CABLES1: variants seen among roughly 807,000 people sequenced by gnomAD.
CABLES1 encodes Cdk5 and Abl enzyme substrate 1.
Under a neutral mutation model 57.8 loss-of-function variants are expected in CABLES1, and 36 were observed. The observed-to-expected ratio is 0.62, with a 90% CI of 0.48 to 0.82. CABLES1 has a LOEUF of 0.82. Among genes scored for constraint, CABLES1 ranks in the 40% least tolerant of loss-of-function variants. The pLI, the probability that CABLES1 is intolerant of heterozygous loss-of-function variation, is 0.00. For synonymous variants in CABLES1, 374 were observed against 363.0 expected, an observed-to-expected ratio of 1.03 and a Z score of -0.35; for missense variants, 767 against 836.6, an observed-to-expected ratio of 0.92 and a Z score of 1.03.
chr18:23,211,510 C>T (rs960539594), intron 3 of CABLES1, among the ~76,000 whole-genome samples: 1 of 152,200 alleles, frequency 6.6e-6, no homozygotes. Flanking sequence ...ACCCTCTTGC[C>T]CCTCCCTGCA....
intron 4 of CABLES1, among the ~76,000 whole-genome samples, chr18:23,218,133 C>T (rs1246196671): frequency 2.0e-5 from 3 of 152,210 alleles, no homozygotes; most frequent in South Asian, 2.1e-4. Context: ...ACAGGAATCT[C>T]GTAGTTCGTC....
At chr18:23,215,340 T>C (rs2047433808) in intron 4 of CABLES1, among the ~76,000 whole-genome samples, 1 of 152,142 alleles carries the variant, frequency 6.6e-6, no homozygotes, top group Admixed American at 6.5e-5. Flanking sequence ...TTGACAAAAT[T>C]AGCTCATACC....
rs552509113 is a variant in CABLES1, at chr18:23,136,539, C to T, written c.777C>T (p.Asn259=). The part of the protein sequence containing the change: ...PIAFSRPTSQ[N]YCSLEQPGQG... ...CCTTCTCCAGGCCGACTTCGCAGAA[C>T]TACTGCTCCCTGGAGCAGCCAGGCC... The change falls in exon 1 of 10, where the codon AAC becomes AAT. Residue 259 remains asparagine, a synonymous_variant. Transcript: ENST00000256925. 96 of 1,576,170 alleles carry T rather than the reference C, an allele frequency of 6.1e-5. No homozygotes were observed. In the South Asian group the frequency reaches 1.1e-3, roughly 17 times the overall value.
At chr18:23,156,912 A>C (rs1166091857) in intron 1 of CABLES1, among the ~76,000 whole-genome samples, 1 of 152,238 alleles carries the variant, frequency 6.6e-6, no homozygotes, top group Non-Finnish European at 1.5e-5. Context: ...AATGCAAAAA[A>C]TATGGCACTA....
chr18:23,256,752 T>G (rs1166835067), intron 9 of CABLES1, among the ~76,000 whole-genome samples: 1 of 152,206 alleles, frequency 6.6e-6, no homozygotes, highest in Non-Finnish European at 1.5e-5. Flanking sequence ...CCCAAGGTGC[T>G]GGGATGACAG....
At chr18:23,194,294 C>T (rs2047266041) in intron 2 of CABLES1, among the ~76,000 whole-genome samples, 154 bp from the exon 3 acceptor site, 1 of 152,100 alleles carries the variant, frequency 6.6e-6, no homozygotes, top group Non-Finnish European at 1.5e-5. Flanking sequence ...TTCCTTGCTT[C>T]CAGCCGTGTT....
chr18:23,222,730 G>A (rs1236528752), intron 4 of CABLES1, among the ~76,000 whole-genome samples: 2 of 152,070 alleles, frequency 1.3e-5, no homozygotes, highest in Non-Finnish European at 2.9e-5. Flanking sequence ...ATCCTTGAGG[G>A]CACCTCCATA....
At chr18:23,188,782 T>A (rs2047220795) in intron 1 of CABLES1, 56 bp from the exon 2 acceptor site, 4 of 1,196,408 alleles carry the variant, frequency 3.3e-6, no homozygotes, top group East Asian at 2.3e-5. Flanking sequence ...TGCACAAATG[T>A]CTGATCAGTT....
At chr18:23,148,750 G>A (rs1421450514) in intron 1 of CABLES1, among the ~76,000 whole-genome samples, 3 of 152,202 alleles carry the variant, frequency 2.0e-5, no homozygotes, top group South Asian at 2.1e-4. Flanking sequence ...TGGGTGCACT[G>A]TGGCAAAGCA....
rs1313356955 is a variant in CABLES1, at chr18:23,136,011, G to C, written c.249G>C (p.Ala83=). 2 of 1,139,736 alleles carry C rather than the reference G, an allele frequency of 1.8e-6. No individual in the cohort carries two copies. Among genetic ancestry groups the C allele is most frequent in the Admixed American group, 4.7e-5 (1 of 21,118 alleles). The allele number at this position is 1,139,736 out of a possible 1,614,324, so 70.6% of individuals were successfully genotyped here. ...SLDGRLPPQD[A]EWGGGEEGGA... The stretch of plus-strand genomic sequence containing the variant: ...ACGGCCGGCTGCCGCCGCAGGACGC[G>C]GAGTGGGGCGGTGGCGAGGAGGGCG... The change falls in exon 1 of 10, where the codon GCG becomes GCC. Residue 83 remains alanine, a synonymous_variant. Coordinates refer to ENST00000256925, the MANE Select transcript of CABLES1 (RefSeq NM_001100619.3).
In CABLES1 at chr18:23,177,620, G is replaced by T. The variant is rs75037733; in HGVS notation, c.846-11218G>T. Reference sequence around the variant, plus strand: ...CCCGCTGGGCTCTTTTCCTGGGGCCGGACTTTGCTGGGAGGAATTCTTCCT... The same window carrying T: ...CCCGCTGGGCTCTTTTCCTGGGGCCTGACTTTGCTGGGAGGAATTCTTCCT... On this transcript the variant is annotated intron_variant, in intron 1 of 9. Coordinates refer to ENST00000256925, the MANE Select transcript of CABLES1 (RefSeq NM_001100619.3). Among the ~76,000 whole-genome samples the T allele has an allele frequency of 7.1e-3, 1,086 of 152,154 alleles. 12 individuals are homozygous for T. The highest frequency in any genetic ancestry group is 0.025 in the African/African-American group (1,048 of 41,514).
chr18:23,191,746 T>C (rs1005477808), intron 2 of CABLES1, among the ~76,000 whole-genome samples: 1 of 152,124 alleles, frequency 6.6e-6, no homozygotes, highest in Non-Finnish European at 1.5e-5. Context: ...TGTTTTTAAA[T>C]GGATGTTTAC....
At chr18:23,205,040 T>C (rs896745835) in intron 3 of CABLES1, among the ~76,000 whole-genome samples, 1 of 152,134 alleles carries the variant, frequency 6.6e-6, no homozygotes, top group Non-Finnish European at 1.5e-5. Flanking sequence ...GTCTGCACCA[T>C]TGGTCTGCAA....
chr18:23,219,303 T>C lies in CABLES1; in HGVS notation c.1088+5249T>C, dbSNP rs1389534680. On this transcript the variant is annotated intron_variant, in intron 4 of 9. Coordinates refer to ENST00000256925, the MANE Select transcript of CABLES1 (RefSeq NM_001100619.3). ...CTAGTAAACCAATCATCAAACAAAA[T>C]AGCAAAAACATTGAGTCCTAAGCAA... The C allele has an allele frequency of 6.6e-6, 3 of 454,090 alleles. No homozygotes were observed. In the East Asian group the frequency reaches 2.1e-4, roughly 32 times the overall value. 28.1% of individuals were successfully genotyped at this position (454,090 alleles called of 1,614,324 possible).
intron 1 of CABLES1, among the ~76,000 whole-genome samples, chr18:23,154,263 A>G (rs2046951565): frequency 6.6e-6 from 1 of 152,214 alleles, no homozygotes; most frequent in South Asian, 2.1e-4. Context: ...CGGTAACTAA[A>G]CAAGCACCCG....
intron 4 of CABLES1, among the ~76,000 whole-genome samples, chr18:23,231,932 G>A (rs2047570041): frequency 6.6e-6 from 1 of 152,162 alleles, no homozygotes; most frequent in African/African-American, 2.4e-5. Context: ...GGGAAGCAGT[G>A]AGCCTGTGAG....
intron 7 of CABLES1, among the ~76,000 whole-genome samples, chr18:23,246,187 C>A (rs113949240): frequency 0.2 from 30,080 of 151,386 alleles, 3,756 homozygotes; most frequent in Middle Eastern, 0.29. Context: ...TCGCTTGAAC[C>A]TGGGAGGCAG....
chr18:23,229,733 G>T (rs751428858), intron 4 of CABLES1, among the ~76,000 whole-genome samples: 1 of 152,094 alleles, frequency 6.6e-6, no homozygotes, highest in African/African-American at 2.4e-5. Flanking sequence ...CTTTTGGAGC[G>T]AATCTCCACC....
chr18:23,153,911 A>T (rs931774034), intron 1 of CABLES1, among the ~76,000 whole-genome samples: 1 of 152,040 alleles, frequency 6.6e-6, no homozygotes, highest in African/African-American at 2.4e-5. Flanking sequence ...CACACCTGTA[A>T]TCTCAGCCAC....
Sources: allele counts gnomAD v4.1 joint callset (sites outside exome capture counted in the v4.1 genomes callset), GRCh38; gene constraint gnomAD v4.1.1; transcripts MANE v1.5; gene names NCBI Gene and HGNC (gene_info 2026-07-23, HGNC 2026-07-21).